Variants in DOCK2 observed in about 807,000 individuals in gnomAD.
The protein encoded by DOCK2 is dedicator of cytokinesis protein 2.
DOCK2 carries 87 observed loss-of-function variants against 248.9 expected under a neutral mutation model. That is an observed-to-expected ratio of 0.35 (90% CI 0.29 to 0.42). DOCK2 has a LOEUF of 0.42. Among genes scored for constraint, DOCK2 ranks in the 10% least tolerant of loss-of-function variants. The pLI is 1.00. For synonymous variants in DOCK2, 805 were observed against 821.6 expected, an observed-to-expected ratio of 0.98 and a Z score of 0.35; for missense variants, 1,747 against 2,300.2, an observed-to-expected ratio of 0.76 and a Z score of 4.92.
At chr5:169,883,916 GA>G in intron 27 of DOCK2, 1 of 1,478,682 alleles carries the variant, frequency 6.8e-7, no homozygotes, top group South Asian at 1.4e-5. Flanking sequence ...CAGTGGGAAG[GA>G]TCAGGACCAT....
At chr5:169,861,831 C>T (rs1771216238) in intron 27 of DOCK2, among the ~76,000 whole-genome samples, 1 of 152,168 alleles carries the variant, frequency 6.6e-6, no homozygotes, top group African/African-American at 2.4e-5. Flanking sequence ...AGGTCAGTGG[C>T]CCAAGCAATG....
chr5:169,950,936 A>C lies in DOCK2; in HGVS notation c.2800-32132A>C, dbSNP rs116324274. Reference sequence around the variant, plus strand: ...TCATGATGTTGGCTCACTCAAAATTATAAAATTAATTTGAATTTGATGAGA... The same window carrying C: ...TCATGATGTTGGCTCACTCAAAATTCTAAAATTAATTTGAATTTGATGAGA... On this transcript the variant is annotated intron_variant, in intron 27 of 51. Transcript: ENST00000520908. 3.3e-3 allele frequency among the ~76,000 whole-genome samples: 497 copies of C among 152,336 alleles called. 4 individuals carry two copies. Among genetic ancestry groups the C allele is most frequent in the Non-Finnish European group, 5.9e-3 (402 of 68,034 alleles).
intron 22 of DOCK2, among the ~76,000 whole-genome samples, chr5:169,743,974 TG>T (rs1372510216): frequency 6.6e-6 from 1 of 151,186 alleles, no homozygotes; most frequent in East Asian, 1.9e-4. Context: ...CTCCTAGAAT[TG>T]TTTTTTTATC....
intron 5 of DOCK2, among the ~76,000 whole-genome samples, chr5:169,673,402 T>TTG (rs1215035492): frequency 1.3e-5 from 2 of 152,080 alleles, no homozygotes; most frequent in African/African-American, 4.8e-5. Context: ...TATATATTTT[T>TTG]TTGTTGTTGT....
chr5:169,785,117 C>T (rs1765916105), intron 25 of DOCK2, among the ~76,000 whole-genome samples: 2 of 152,112 alleles, frequency 1.3e-5, no homozygotes, highest in East Asian at 1.9e-4. Flanking sequence ...GAGATGAACT[C>T]GTATGTTGAT....
At chr5:170,009,726 T>G (rs1369020100) in intron 32 of DOCK2, among the ~76,000 whole-genome samples, 1 of 152,200 alleles carries the variant, frequency 6.6e-6, no homozygotes, top group Non-Finnish European at 1.5e-5. Context: ...ATCTGCCAGT[T>G]CCCATGGGTT....
intron 26 of DOCK2, among the ~76,000 whole-genome samples, chr5:169,835,005 G>A (rs1182327371): frequency 2.0e-5 from 3 of 152,106 alleles, no homozygotes; most frequent in Non-Finnish European, 4.4e-5. Flanking sequence ...AACATTCAGA[G>A]AATGAAAAGG....
At chr5:169,817,567 C>G (rs896096363) in intron 26 of DOCK2, among the ~76,000 whole-genome samples, 1 of 152,234 alleles carries the variant, frequency 6.6e-6, no homozygotes, top group African/African-American at 2.4e-5. Flanking sequence ...CCTCCCACTG[C>G]TACAATAAAC....
intron 23 of DOCK2, among the ~76,000 whole-genome samples, chr5:169,751,539 T>C (rs1297985732): frequency 2.6e-5 from 4 of 152,232 alleles, no homozygotes; most frequent in Non-Finnish European, 5.9e-5. Flanking sequence ...TAGCGGCTTA[T>C]GTTGGAAACC....
intron 25 of DOCK2, among the ~76,000 whole-genome samples, chr5:169,779,612 G>T (rs1479465718): frequency 1.3e-5 from 2 of 152,122 alleles, no homozygotes; most frequent in Non-Finnish European, 2.9e-5. Context: ...ATGGGTTCAG[G>T]CTTTCTGCCC....
chr5:169,908,745 C>G (rs1412873501), intron 27 of DOCK2, among the ~76,000 whole-genome samples: 1 of 135,712 alleles, frequency 7.4e-6, no homozygotes, highest in Non-Finnish European at 1.5e-5. Flanking sequence ...GACCGAGTCT[C>G]ACTCTGTCGC....
intron 25 of DOCK2, among the ~76,000 whole-genome samples, chr5:169,800,944 C>CTTTTTTTTTTTTTT (rs60140740): frequency 6.4e-4 from 34 of 53,180 alleles, no homozygotes; most frequent in East Asian, 2.0e-3. Context: ...TTCTTTCTTT[C>CTTTTTTTTTTTTTT]TTTTTTTTTT....
chr5:169,713,898 C>A, intron 17 of DOCK2, 130 bp from the exon 18 acceptor site: 1 of 1,026,990 alleles, frequency 9.7e-7, no homozygotes, highest in Non-Finnish European at 1.3e-6. Flanking sequence ...ATGTCTATTG[C>A]TTCTCTGATG....
At chr5:169,824,566 C>T (rs1035988862) in intron 26 of DOCK2, among the ~76,000 whole-genome samples, 1 of 152,144 alleles carries the variant, frequency 6.6e-6, no homozygotes, top group Non-Finnish European at 1.5e-5. Context: ...AACTGGCTAG[C>T]CATATGTAGA....
chr5:169,850,332 C>T lies in DOCK2; in HGVS notation c.2799+9480C>T, dbSNP rs531390672. Among the ~76,000 whole-genome samples the T allele has an allele frequency of 2.5e-4, 38 of 152,284 alleles. 1 individual carries two copies. The highest frequency in any genetic ancestry group is 1.9e-3 in the South Asian group (9 of 4,820). ...AGGAAGCTAGGATTTGTATCCCATC[C>T]GAGTCTGCCAGGGCTCAAAGCCCAT... On this transcript the variant is annotated intron_variant, in intron 27 of 51. Coordinates refer to ENST00000520908, the MANE Select transcript of DOCK2 (RefSeq NM_004946.3).
chr5:170,048,209 C>T (rs144160366), intron 40 of DOCK2, among the ~76,000 whole-genome samples: 6,026 of 151,962 alleles, frequency 0.04, 227 homozygotes, highest in African/African-American at 0.1. Flanking sequence ...CTGGGTAACA[C>T]GGTGAAACCC....
chr5:169,934,619 C>A, intron 27 of DOCK2: 1 of 456,098 alleles, frequency 2.2e-6, no homozygotes, highest in Non-Finnish European at 4.4e-6. Flanking sequence ...CAAGATACTT[C>A]CCCTTGCTAA....
At chr5:169,912,619 G>GTA (rs1028979068) in intron 27 of DOCK2, among the ~76,000 whole-genome samples, 1 of 119,104 alleles carries the variant, frequency 8.4e-6, no homozygotes, top group African/African-American at 3.9e-5. Flanking sequence ...GTGGTGGAGT[G>GTA]TATGTGTGTG....
chr5:169,644,803 C>A (rs779342830), intron 1 of DOCK2, among the ~76,000 whole-genome samples: 4 of 152,050 alleles, frequency 2.6e-5, no homozygotes, highest in Non-Finnish European at 5.9e-5. Flanking sequence ...AACTCCCCCA[C>A]CCCCTGACAG....
Sources: gnomAD v4.1 joint callset for allele counts (sites outside exome capture counted in the v4.1 genomes callset) on GRCh38, gnomAD v4.1.1 for gene constraint, MANE v1.5 for transcripts, NCBI Gene and HGNC (gene_info 2026-07-23, HGNC 2026-07-21) for gene names.